RBFOX1: variants seen among roughly 807,000 people sequenced by gnomAD.
The protein encoded by RBFOX1 is RNA binding protein fox-1 homolog 1.
Under a neutral mutation model 57.7 loss-of-function variants are expected in RBFOX1, and 8 were observed. That is an observed-to-expected ratio of 0.14 (90% CI 0.08 to 0.25). RBFOX1 has a LOEUF of 0.25. Among genes scored for constraint, RBFOX1 ranks in the 10% least tolerant of loss-of-function variants. The pLI is 1.00. For synonymous variants in RBFOX1, 326 were observed against 222.4 expected (o/e 1.47, Z -4.15); for missense variants, 611 against 548.5 (o/e 1.11, Z -1.14).
chr16:5,368,244 G>C (rs1399776543), intron 1 of RBFOX1, among the ~76,000 whole-genome samples: 2 of 152,216 alleles, frequency 1.3e-5, no homozygotes, highest in South Asian at 2.1e-4. Context: ...GGCTTGAACA[G>C]ATTTCTTAAT....
Position 7,540,279 on chromosome 16 carries a change from T to C in RBFOX1, c.270+21890T>C, listed in dbSNP as rs549145536. ...CGCTGGAAACTCCTTGGTCTCTGACTGTAGCAATATGTTTAATAACTCAAG... is the reference window on the plus strand; with the variant it reads ...CGCTGGAAACTCCTTGGTCTCTGACCGTAGCAATATGTTTAATAACTCAAG... On this transcript the variant is annotated intron_variant, in intron 5 of 15. Transcript: ENST00000550418. 1.6e-4 allele frequency among the ~76,000 whole-genome samples: 24 copies of C among 152,340 alleles called. No individual in the cohort carries two copies. In the South Asian group the frequency reaches 4.1e-3, roughly 26 times the overall value.
At chr16:6,743,270 G>A (rs2072733594) in intron 3 of RBFOX1, among the ~76,000 whole-genome samples, 1 of 152,106 alleles carries the variant, frequency 6.6e-6, no homozygotes, top group South Asian at 2.1e-4. Context: ...GAGGAAAAGG[G>A]AAAGTTGGGA....
chr16:7,650,408 C>G (rs2064782324), intron 11 of RBFOX1, among the ~76,000 whole-genome samples: 1 of 151,198 alleles, frequency 6.6e-6, no homozygotes, highest in Non-Finnish European at 1.5e-5. Flanking sequence ...GTTCTTTTCA[C>G]AAAATAAGAA....
chr16:5,950,557 G>T (rs2059498688), intron 4 of RBFOX1, among the ~76,000 whole-genome samples: 2 of 152,140 alleles, frequency 1.3e-5, no homozygotes, highest in Admixed American at 1.3e-4. Flanking sequence ...TCCTTCTTAA[G>T]TTATTTAATG....
chr16:5,868,001 C>G (rs1364751929), intron 4 of RBFOX1, among the ~76,000 whole-genome samples: 7 of 151,882 alleles, frequency 4.6e-5, no homozygotes, highest in Non-Finnish European at 1.5e-5. Context: ...TGTGAGCCAC[C>G]ATGCCCAGCC....
intron 1 of RBFOX1, among the ~76,000 whole-genome samples, chr16:6,173,442 AAC>A (rs555061043): frequency 1.3e-5 from 2 of 152,014 alleles, no homozygotes; most frequent in Non-Finnish European, 2.9e-5. Context: ...AAAATTTACA[AAC>A]ACACATGTGT....
At chr16:7,292,121 A>G (rs1342502187) in intron 4 of RBFOX1, among the ~76,000 whole-genome samples, 2 of 77,450 alleles carry the variant, frequency 2.6e-5, no homozygotes, top group Non-Finnish European at 4.9e-5. Flanking sequence ...TGTATAATAT[A>G]TAATATATAA....
intron 3 of RBFOX1, among the ~76,000 whole-genome samples, chr16:5,768,655 C>G (rs1032484240): frequency 6.6e-6 from 1 of 152,190 alleles, no homozygotes; most frequent in Non-Finnish European, 1.5e-5. Flanking sequence ...ATTCCTCTTG[C>G]ATCTATTCCA....
intron 4 of RBFOX1, among the ~76,000 whole-genome samples, chr16:5,923,325 C>T (rs2058867585): frequency 6.6e-6 from 1 of 152,082 alleles, no homozygotes; most frequent in Non-Finnish European, 1.5e-5. Context: ...GGGGACCTTG[C>T]AGGACCCTCA....
At chr16:5,508,519 G>C (rs557574342) in intron 2 of RBFOX1, among the ~76,000 whole-genome samples, 1 of 152,208 alleles carries the variant, frequency 6.6e-6, no homozygotes, top group Non-Finnish European at 1.5e-5. Flanking sequence ...TCCCGAGGTC[G>C]GGTGGGAGAT....
intron 3 of RBFOX1, among the ~76,000 whole-genome samples, chr16:6,899,274 A>C (rs373588088): frequency 6.6e-6 from 1 of 152,170 alleles, no homozygotes; most frequent in African/African-American, 2.4e-5. Context: ...TAACGTGTGC[A>C]TGTATGTGTG....
chr16:6,698,136 T>G (rs2061325866), intron 3 of RBFOX1, among the ~76,000 whole-genome samples: 1 of 152,218 alleles, frequency 6.6e-6, no homozygotes, highest in African/African-American at 2.4e-5. Flanking sequence ...AATTAAGAGC[T>G]AGAAACCAGA....
At chr16:5,548,427 G>C (rs879730431) in intron 2 of RBFOX1, among the ~76,000 whole-genome samples, 1 of 151,724 alleles carries the variant, frequency 6.6e-6, no homozygotes, top group East Asian at 1.9e-4. Context: ...GAATGAATAA[G>C]ACCACCTATT....
chr16:7,198,876 T>C (rs533288030), intron 4 of RBFOX1, among the ~76,000 whole-genome samples: 26 of 152,166 alleles, frequency 1.7e-4, no homozygotes, highest in Non-Finnish European at 2.1e-4. Flanking sequence ...AGGCAAAATA[T>C]AGTGTTGGTT....
chr16:5,855,296 CG>C (rs1555547316), intron 3 of RBFOX1, among the ~76,000 whole-genome samples: 28 of 152,168 alleles, frequency 1.8e-4, no homozygotes, highest in Admixed American at 4.6e-4. Flanking sequence ...AAATTCACTA[CG>C]CAGACCAATG....
intron 2 of RBFOX1, among the ~76,000 whole-genome samples, chr16:6,635,884 G>A (rs2098427067): frequency 6.6e-6 from 1 of 152,038 alleles, no homozygotes; most frequent in Non-Finnish European, 1.5e-5. Context: ...GAGGTATTTT[G>A]GATTTCAGAT....
chr16:6,296,835 G>C (rs1265682127), intron 1 of RBFOX1, among the ~76,000 whole-genome samples: 2 of 152,190 alleles, frequency 1.3e-5, no homozygotes, highest in Non-Finnish European at 2.9e-5. Context: ...TACCGGTACA[G>C]ACCCCAAGAG....
At chr16:7,406,189 G>A (rs992435867) in intron 4 of RBFOX1, among the ~76,000 whole-genome samples, 12 of 152,064 alleles carry the variant, frequency 7.9e-5, no homozygotes, top group Admixed American at 2.6e-4. Context: ...TCTAGATCAT[G>A]ACACCTAAAC....
intron 1 of RBFOX1, among the ~76,000 whole-genome samples, chr16:6,294,500 C>A (rs1055831979): frequency 2.6e-5 from 4 of 152,170 alleles, no homozygotes; most frequent in African/African-American, 9.7e-5. Context: ...GTGATTTAGA[C>A]CAAACAGGCT....
Sources: allele counts gnomAD v4.1 joint callset (sites outside exome capture counted in the v4.1 genomes callset), GRCh38; gene constraint gnomAD v4.1.1; transcripts MANE v1.5; gene names NCBI Gene and HGNC (gene_info 2026-07-23, HGNC 2026-07-21).